ANKRD12: variants seen among roughly 807,000 people sequenced by gnomAD.
ANKRD12 encodes ankyrin repeat domain 12.
Under a neutral mutation model 183.4 loss-of-function variants are expected in ANKRD12, and 85 were observed. That is an observed-to-expected ratio of 0.46 (90% CI 0.39 to 0.56). The LOEUF (loss-of-function observed/expected upper bound fraction) is 0.56, where lower values mean the gene tolerates loss of function less well. ANKRD12 is among the 20% of genes least tolerant of loss of function. ANKRD12 has a pLI of 0.00. For missense variants in ANKRD12, 2,405 were observed against 2,357.1 expected (o/e 1.02, Z -0.42); for synonymous variants, 914 against 800.2 (o/e 1.14, Z -2.40).
chr18:9,276,806 G>A (rs555149682), intron 11 of ANKRD12, among the ~76,000 whole-genome samples: 1 of 152,126 alleles, frequency 6.6e-6, no homozygotes, highest in Non-Finnish European at 1.5e-5. Flanking sequence ...ATGAATAATT[G>A]TGTCTCTTCA....
At chr18:9,143,275 G>GAAAT (rs1351652601) in intron 1 of ANKRD12, among the ~76,000 whole-genome samples, 6 of 152,170 alleles carry the variant, frequency 3.9e-5, no homozygotes, top group Non-Finnish European at 7.4e-5. Context: ...AACTTAAGTT[G>GAAAT]AAATTTATAA....
At chr18:9,222,664 T>TA (rs765040470) in intron 8 of ANKRD12, among the ~76,000 whole-genome samples, 2 of 152,220 alleles carry the variant, frequency 1.3e-5, no homozygotes, top group Non-Finnish European at 2.9e-5. Flanking sequence ...TAGGTAATGC[T>TA]ACTTTTATAT....
rs923252263 is a variant in ANKRD12 at position 9,285,289 on chromosome 18, A to T, written c.*4163A>T. The T allele has an allele frequency of 6.6e-6, 1 of 151,524 alleles. No individual in the cohort carries two copies. Among genetic ancestry groups the T allele is most frequent in the East Asian group, 1.9e-4 (1 of 5,182 alleles). 9.4% of individuals were successfully genotyped at this position (151,524 alleles called of 1,614,324 possible). ...CTACTAAAAATACAAAAATTAGCCA[A>T]GCGTGACGGTGCCTGCCTGTAGTCC... On this transcript the variant is annotated 3_prime_UTR_variant, in exon 13 of 13. Coordinates refer to ENST00000262126, the MANE Select transcript of ANKRD12 (RefSeq NM_015208.5).
chr18:9,217,240 A>C (rs1205126033), intron 7 of ANKRD12, among the ~76,000 whole-genome samples: 1 of 152,188 alleles, frequency 6.6e-6, no homozygotes, highest in Non-Finnish European at 1.5e-5. Flanking sequence ...TTTGAAGGGC[A>C]TTTTACTTTA....
chr18:9,222,903 T>A lies in ANKRD12; in HGVS notation c.943+904T>A, dbSNP rs113124566. The stretch of plus-strand genomic sequence containing the variant: ...TATACTCCAACTGATTAAGAGATGC[T>A]GCCAAATTATAAACAAAAGAAAATG... On this transcript the variant is annotated intron_variant, in intron 8 of 12. Transcript: ENST00000262126. Among the ~76,000 whole-genome samples the A allele has an allele frequency of 5.1e-3, 770 of 152,306 alleles. 6 individuals carry two copies. Among genetic ancestry groups the A allele is most frequent in the Non-Finnish European group, 7.3e-3 (497 of 68,024 alleles).
In ANKRD12 at chr18:9,254,457, A is replaced by G. The variant is rs2038482490; in HGVS notation, c.1190A>G (p.His397Arg). 1 of 1,568,534 alleles carries G rather than the reference A, an allele frequency of 6.4e-7. No homozygotes were observed. Among genetic ancestry groups the G allele is most frequent in the Non-Finnish European group, 8.6e-7 (1 of 1,163,454 alleles). ...KENEPEAEKT[H>R]LFAKQEKAFY... ...AATGAACCTGAAGCAGAAAAAACTC[A>G]TTTATTTGCAAAACAGGAGAAAGCC... Residue 397 changes from histidine (H) to arginine (R), a missense_variant, in exon 9 of 13, where the codon CAT becomes CGT. His to Arg is a conservative substitution (Grantham distance 29). Around this residue, in one of 7 missense-constraint regions of ANKRD12, gnomAD observed 1,983 missense variants for 1,725.9 expected, o/e 1.15. Transcript: ENST00000262126.
rs189366178 is a variant in ANKRD12, at chr18:9,175,137, A to G, written c.-51-7245A>G. 1.5e-3 allele frequency among the ~76,000 whole-genome samples: 230 copies of G among 152,134 alleles called. 1 individual carries two copies. The highest frequency in any genetic ancestry group is 5.3e-3 in the African/African-American group (222 of 41,500). On this transcript the variant is annotated intron_variant, in intron 1 of 12. Coordinates refer to ENST00000262126, the MANE Select transcript of ANKRD12 (RefSeq NM_015208.5). ...TCCTGCCTAATTTTTTGTATGACCA[A>G]AGCATTTAAAGCATTGATTCTGAGG...
At chr18:9,170,415 TTTA>T (rs2032584738) in intron 1 of ANKRD12, among the ~76,000 whole-genome samples, 2 of 152,218 alleles carry the variant, frequency 1.3e-5, no homozygotes, top group African/African-American at 2.4e-5. Context: ...TTTGTTTCTT[TTTA>T]TTCTTTTTTC....
chr18:9,196,409 A>G (rs1390566184), intron 3 of ANKRD12, among the ~76,000 whole-genome samples: 1 of 152,200 alleles, frequency 6.6e-6, no homozygotes, highest in Non-Finnish European at 1.5e-5. Flanking sequence ...AAACTAATAT[A>G]AACTTGAATG....
rs1244901466 is a variant in ANKRD12 at position 9,257,669 on chromosome 18, C to T, written c.4402C>T (p.Leu1468=). Residue 1468 remains leucine (L), a synonymous_variant, in exon 9 of 13, where the codon CTG becomes TTG. Transcript: ENST00000262126. ...VLKENADFLS[L]RQTELPGNSC... ...GAAAGAAAATGCTGATTTTTTATCC[C>T]TGCGCCAGACTGAACTGCCAGGAAA... is the stretch of plus-strand genomic sequence containing the variant. 7 of 1,613,896 alleles carry T rather than the reference C, an allele frequency of 4.3e-6. No homozygotes were observed. The highest frequency in any genetic ancestry group is 1.6e-4 in the Middle Eastern group (1 of 6,062).
rs1568231125 is a variant in ANKRD12 at position 9,157,557 on chromosome 18, G to GTGTGTGTGTGTA, written c.-52+20603_-52+20604insATGTGTGTGTGT. On this transcript the variant is annotated intron_variant, in intron 1 of 12. Transcript: ENST00000262126. ...AATTTTATGGTGTGTGTGGGTGTGT[G>GTGTGTGTGTGTA]TGTGTGTGTGTGTGTGTGTGTGTGT... Among the ~76,000 whole-genome samples, 13 of 91,618 alleles carry GTGTGTGTGTGTA rather than the reference G, an allele frequency of 1.4e-4. 2 individuals carry two copies. The highest frequency in any genetic ancestry group is 7.4e-4 in the African/African-American group (11 of 14,904). The allele number at this position is 91,618 out of a possible 152,430, so 60.1% of individuals were successfully genotyped here.
chr18:9,159,287 A>G (rs1215117279), intron 1 of ANKRD12, among the ~76,000 whole-genome samples: 2 of 152,170 alleles, frequency 1.3e-5, no homozygotes, highest in East Asian at 3.9e-4. Flanking sequence ...TTGTGTCTGT[A>G]TTAAAGTAAA....
rs775426549 is a variant in ANKRD12, at chr18:9,256,083, A to G, written c.2816A>G (p.Asp939Gly). Reference protein sequence around the residue: ...HLMEKKNKQSDNSEYSKSEKG... With the variant: ...HLMEKKNKQSGNSEYSKSEKG... ...ATGGAGAAAAAAAATAAACAATCAG[A>G]TAATAGTGAATACAGTAAATCAGAA... The change falls in exon 9 of 13, where the codon GAT becomes GGT. Residue 939 changes from aspartate (D) to glycine (G), a missense_variant. Transcript: ENST00000262126. 6.4e-7 allele frequency: 1 copy of G among 1,564,944 alleles called. No individual in the cohort carries two copies. Among genetic ancestry groups the G allele is most frequent in the South Asian group, 1.2e-5 (1 of 82,084 alleles).
Position 9,216,879 on chromosome 18 carries a change from T to G in ANKRD12, c.774T>G (p.Ser258=). 1.2e-6 allele frequency: 2 copies of G among 1,613,162 alleles called. No homozygotes were observed. The highest frequency in any genetic ancestry group is 2.2e-5 in the East Asian group (1 of 44,846). Residue 258 remains serine, a synonymous_variant, in exon 7 of 13, where the codon TCT becomes TCG. Coordinates refer to ENST00000262126, the MANE Select transcript of ANKRD12 (RefSeq NM_015208.5). ...GLDDDTPLHD[S]ASSGHRDIVK... Reference sequence around the variant, plus strand: ...ATGATGACACTCCACTCCATGATTCTGCTAGTAGTGGGCACAGAGATGTAA... The same window carrying G: ...ATGATGACACTCCACTCCATGATTCGGCTAGTAGTGGGCACAGAGATGTAA...
intron 7 of ANKRD12, among the ~76,000 whole-genome samples, chr18:9,220,997 G>A (rs959467707): frequency 1.3e-5 from 2 of 152,148 alleles, no homozygotes; most frequent in Non-Finnish European, 2.9e-5. Flanking sequence ...GATGGACAGT[G>A]AAGAAGAAAG....
rs910663438 is a variant in ANKRD12 at position 9,239,545 on chromosome 18, C to G, written c.944-14666C>G. On this transcript the variant is annotated intron_variant, in intron 8 of 12. Transcript: ENST00000262126. ...GGTCAAAGTCCCTCAAGGAATGATA[C>G]AAAAATCATCAGTAAGTATCATATA... 4.7e-6 allele frequency: 6 copies of G among 1,280,330 alleles called. No individual in the cohort carries two copies. The South Asian group carries it at 6.2e-5, about 13-fold the overall frequency. 79.3% of individuals were successfully genotyped at this position (1,280,330 alleles called of 1,614,324 possible).
At chr18:9,201,199 A>G (rs1043481326) in intron 3 of ANKRD12, among the ~76,000 whole-genome samples, 4 of 152,234 alleles carry the variant, frequency 2.6e-5, no homozygotes, top group African/African-American at 9.6e-5. Context: ...CTGCCCCCAT[A>G]TATAAAGTGT....
chr18:9,251,515 T>A (rs1179102064), intron 8 of ANKRD12, among the ~76,000 whole-genome samples: 1 of 152,146 alleles, frequency 6.6e-6, no homozygotes, highest in Non-Finnish European at 1.5e-5. Flanking sequence ...AAATGCTGGC[T>A]GGGCATGGTG....
chr18:9,212,177 A>G (rs1419769000), intron 6 of ANKRD12, among the ~76,000 whole-genome samples: 1 of 152,066 alleles, frequency 6.6e-6, no homozygotes, highest in East Asian at 1.9e-4. Context: ...CATTTTCATT[A>G]TTCAAGTAGC....
Sources: allele counts gnomAD v4.1 joint callset (sites outside exome capture counted in the v4.1 genomes callset), GRCh38; gene constraint gnomAD v4.1.1; regional missense constraint gnomAD v4.1.1; transcripts MANE v1.5; gene names NCBI Gene and HGNC (gene_info 2026-07-23, HGNC 2026-07-21).